Variants in PRCD observed in about 807,000 individuals in gnomAD.
PRCD encodes the protein photoreceptor disc component, also known as photoreceptor disk component PRCD.
Under a neutral mutation model 10.1 loss-of-function variants are expected in PRCD, and 12 were observed. That is an observed-to-expected ratio of 1.18 (90% CI 0.76 to 1.92). PRCD has a LOEUF of 1.92. Ranked by LOEUF, PRCD falls within the 40% of genes most tolerant of loss-of-function variation. The pLI is 0.00. For missense variants in PRCD, 61 were observed against 72.2 expected (o/e 0.84, Z 0.56); for synonymous variants, 31 against 26.2 (o/e 1.18, Z -0.56).
chr17:76,528,250 G>A lies in PRCD; in HGVS notation n.45+417G>A, dbSNP rs894948635. On this transcript the variant is annotated intron_variant and non_coding_transcript_variant, in intron 1 of 4. Coordinates refer to the PRCD transcript ENST00000397633. The surrounding 1 kb of genome is among the most constrained non-coding windows in gnomAD (Gnocchi z 5.8). The stretch of plus-strand genomic sequence containing the variant: ...GCATGCTGGCCGGGCTGATAGAAAC[G>A]GGGCTGGTTTATTCCCTAAGGGACT... 9.3e-5 allele frequency: 37 copies of A among 398,868 alleles called. 1 individual carries two copies. The highest frequency in any genetic ancestry group is 4.9e-4 in the African/African-American group (24 of 48,590). The allele number at this position is 398,868 out of a possible 1,614,324, so 24.7% of individuals were successfully genotyped here.
In PRCD at chr17:76,540,147, C is replaced by T; in HGVS notation, c.6C>T (p.Cys2=). 1 of 1,603,858 alleles carries T rather than the reference C, an allele frequency of 6.2e-7. No homozygotes were observed. The highest frequency in any genetic ancestry group is 8.5e-7 in the Non-Finnish European group (1 of 1,175,980). ...GGGGATGGGGCAGCTGCGCCATGTG[C>T]ACCACCCTTTTCCTGCTCAGCACCC... M[C]TTLFLLSTLA... Residue 2 remains cysteine, a synonymous_variant, in exon 1 of 5, where the codon TGC becomes TGT. Coordinates refer to ENST00000592014, the MANE Select transcript of PRCD (RefSeq NM_001077620.3). The surrounding 1 kb of genome is among the most constrained non-coding windows in gnomAD (Gnocchi z 5.0).
exon 2 of PRCD, chr17:76,553,116 G>C (rs941376949): frequency 2.0e-5 from 3 of 151,962 alleles, no homozygotes; most frequent in Non-Finnish European, 2.9e-5. Flanking sequence ...CAGTCCTTCA[G>C]CTCCTACTTA....
At chr17:76,548,019 C>T (rs183081850), downstream of PRCD, among the ~76,000 whole-genome samples, 131 of 152,058 alleles carry the variant, frequency 8.6e-4, no homozygotes, top group African/African-American at 2.9e-3. Context: ...CATACACATG[C>T]ATACACAGAC....
Position 76,540,673 on chromosome 17 carries a change from G to A in PRCD, c.143+100G>A, listed in dbSNP as rs1483462577. ...CGTGTGTGCCTGTGCGCGCCTGTGC[G>A]TGCACCGTATCCTGGCCCTTGCCCT... On this transcript the variant is annotated intron_variant, in intron 2 of 4. Coordinates refer to ENST00000592014, the MANE Select transcript of PRCD (RefSeq NM_001077620.3). This position sits in a 1 kb window ranked among gnomAD's most constrained non-coding sequence, Gnocchi z 5.0. The A allele has an allele frequency of 1.6e-5, 20 of 1,219,848 alleles. No homozygotes were observed. The highest frequency in any genetic ancestry group is 3.0e-5 in the African/African-American group (2 of 66,956). 75.6% of individuals were successfully genotyped at this position (1,219,848 alleles called of 1,614,324 possible).
chr17:76,547,589 C>T (rs1459204318), downstream of PRCD, among the ~76,000 whole-genome samples: 1 of 152,040 alleles, frequency 6.6e-6, no homozygotes, highest in Non-Finnish European at 1.5e-5. Flanking sequence ...CAGACTCAGC[C>T]TGTGCACCTG....
Position 76,530,134 on chromosome 17 carries a change from T to G in PRCD, n.45+2301T>G. On this transcript the variant is annotated intron_variant and non_coding_transcript_variant, in intron 1 of 4. Coordinates refer to the PRCD transcript ENST00000397633. The surrounding 1 kb of genome is among the most constrained non-coding windows in gnomAD (Gnocchi z 6.1). Reference sequence around the variant, plus strand: ...TTTCTCTACCACGGGAATGTTTCTCTACCACGCGTGTCCCGGGCTGCTGGC... The same window carrying G: ...TTTCTCTACCACGGGAATGTTTCTCGACCACGCGTGTCCCGGGCTGCTGGC... 39 of 971,042 alleles carry G rather than the reference T, an allele frequency of 4.0e-5. No individual in the cohort carries two copies. Among genetic ancestry groups the G allele is most frequent in the South Asian group, 4.8e-5 (1 of 20,966 alleles). 60.2% of individuals were successfully genotyped at this position (971,042 alleles called of 1,614,324 possible).
rs984704162 is a variant in PRCD at position 76,531,710 on chromosome 17, G to A, written n.45+3877G>A. 1.3e-6 allele frequency: 2 copies of A among 1,570,638 alleles called. No homozygotes were observed. The highest frequency in any genetic ancestry group is 2.7e-5 in the African/African-American group (2 of 74,132). ...AAAGAACCTGGCAAGAGGAACAGGG[G>A]TGGTCGCTGAAGCTGGAGGCTGCCT... On this transcript the variant is annotated intron_variant and non_coding_transcript_variant, in intron 1 of 4. Transcript: ENST00000397633. The surrounding 1 kb of genome is among the most constrained non-coding windows in gnomAD (Gnocchi z 7.4).
chr17:76,537,583 G>C, upstream of PRCD: 3 of 1,241,620 alleles, frequency 2.4e-6, no homozygotes, highest in Non-Finnish European at 3.1e-6. Flanking sequence ...CGGCGGCGGC[G>C]GTGGCGGGGC....
chr17:76,537,685 G>C (rs2074935922), upstream of PRCD: 1 of 732,840 alleles, frequency 1.4e-6, no homozygotes, highest in Non-Finnish European at 1.7e-6. Flanking sequence ...GGGAGCGTGT[G>C]TCTGTGCGCG....
chr17:76,551,267 A>G (rs781155254), intron 1 of PRCD: 1 of 152,260 alleles, frequency 6.6e-6, no homozygotes, highest in Non-Finnish European at 1.5e-5. Context: ...GTGAGAAGGC[A>G]AGGGTTTCTG....
Position 76,528,866 on chromosome 17 carries a change from G to A in PRCD, n.45+1033G>A. ...CTAAAATGTGAATAATGTCTGTCTT[G>A]TGACATAAACTGGGTAAAAAAGTGT... On this transcript the variant is annotated intron_variant and non_coding_transcript_variant, in intron 1 of 4. Coordinates refer to the PRCD transcript ENST00000397633. The surrounding 1 kb of genome is among the most constrained non-coding windows in gnomAD (Gnocchi z 5.8). 8.2e-7 allele frequency: 1 copy of A among 1,217,894 alleles called. No individual in the cohort carries two copies. The highest frequency in any genetic ancestry group is 1.0e-6 in the Non-Finnish European group (1 of 977,588). The allele number at this position is 1,217,894 out of a possible 1,614,324, so 75.4% of individuals were successfully genotyped here. A position where few individuals can be genotyped will look rare whatever the true frequency, so the allele number is the denominator to read the frequency against.
In PRCD at chr17:76,543,130, C is replaced by G. The variant is rs977849747; in HGVS notation, c.*152+9C>G. 4.0e-5 allele frequency: 19 copies of G among 470,468 alleles called. No individual in the cohort carries two copies. The highest frequency in any genetic ancestry group is 7.1e-5 in the Admixed American group (3 of 42,536). 29.1% of individuals were successfully genotyped at this position (470,468 alleles called of 1,614,324 possible). On this transcript the variant is annotated intron_variant, in intron 4 of 4. Transcript: ENST00000592014. The stretch of plus-strand genomic sequence containing the variant: ...AAGCAGCACTAGAGAAGGTAGACGC[C>G]TCCCTCTCAGCCCGGGACCTGCCAG...
rs112871100 is a variant in PRCD at position 76,531,694 on chromosome 17, G to A, written n.45+3861G>A. On this transcript the variant is annotated intron_variant and non_coding_transcript_variant, in intron 1 of 4. Coordinates refer to the PRCD transcript ENST00000397633. This position sits in a 1 kb window ranked among gnomAD's most constrained non-coding sequence, Gnocchi z 7.4. Reference sequence around the variant, plus strand: ...CCGAGGGGAAGTTCACAAAGAACCTGGCAAGAGGAACAGGGGTGGTCGCTG... The same window carrying A: ...CCGAGGGGAAGTTCACAAAGAACCTAGCAAGAGGAACAGGGGTGGTCGCTG... 6.3e-7 allele frequency: 1 copy of A among 1,590,266 alleles called. No individual in the cohort carries two copies. The highest frequency in any genetic ancestry group is 8.6e-7 in the Non-Finnish European group (1 of 1,161,872).
In PRCD at chr17:76,544,424, G is replaced by A. The variant is rs991250391; in HGVS notation, c.*774G>A. ...CGCTGGGGAGGCGCTCAGGGTGGGG[G>A]AGGAGGTGCACCCCGCTGGGGAGGG... On this transcript the variant is annotated 3_prime_UTR_variant, in exon 5 of 5. Transcript: ENST00000592014. 1.3e-5 allele frequency: 6 copies of A among 454,790 alleles called. No homozygotes were observed. Among genetic ancestry groups the A allele is most frequent in the African/African-American group, 1.0e-4 (5 of 50,016 alleles). 28.2% of individuals were successfully genotyped at this position (454,790 alleles called of 1,614,324 possible).
Position 76,531,914 on chromosome 17 carries a change from T to C in PRCD, n.45+4081T>C. On this transcript the variant is annotated intron_variant and non_coding_transcript_variant, in intron 1 of 4. Transcript: ENST00000397633. This position sits in a 1 kb window ranked among gnomAD's most constrained non-coding sequence, Gnocchi z 7.4. ...GGCCATGTCTATCTGCCAGGCTTGC[T>C]CAGGCTGGCGGCTTCATCTCCTAGG... The C allele has an allele frequency of 2.0e-6, 1 of 488,560 alleles. No individual in the cohort carries two copies. The allele number at this position is 488,560 out of a possible 1,614,324, so 30.3% of individuals were successfully genotyped here. A position where few individuals can be genotyped will look rare whatever the true frequency, so the allele number is the denominator to read the frequency against.
chr17:76,546,153 C>G (rs1219506531), downstream of PRCD: 1 of 152,350 alleles, frequency 6.6e-6, no homozygotes, highest in Non-Finnish European at 1.5e-5. The surrounding 1 kb of genome is among the most constrained non-coding windows in gnomAD (Gnocchi z 4.5). Flanking sequence ...CGTGTGAATG[C>G]TAATATCTCT....
rs762326252 is a variant in PRCD, at chr17:76,531,173, C to T, written n.45+3340C>T. 40 of 1,597,710 alleles carry T rather than the reference C, an allele frequency of 2.5e-5. No individual in the cohort carries two copies. Among genetic ancestry groups the T allele is most frequent in the East Asian group, 6.7e-5 (3 of 44,588 alleles). On this transcript the variant is annotated intron_variant and non_coding_transcript_variant, in intron 1 of 4. Transcript: ENST00000397633. The surrounding 1 kb of genome is among the most constrained non-coding windows in gnomAD (Gnocchi z 7.4). ...GGCAAAGGGAGGAAGGGGGAGTGAA[C>T]GCCCGGGCGCCCTGCGTCCTGCAAC...
At position 76,528,474 on chromosome 17, in the gene PRCD, T is replaced by C; in HGVS notation, n.45+641T>C. ...CCTTCGGGGAAGTTGAGTCAGGGAT[T>C]CCTCCAGCTTCCTTGGCACCCAGAA... On this transcript the variant is annotated intron_variant and non_coding_transcript_variant, in intron 1 of 4. Transcript: ENST00000397633. The surrounding 1 kb of genome is among the most constrained non-coding windows in gnomAD (Gnocchi z 5.8). 9.4e-7 allele frequency: 1 copy of C among 1,065,050 alleles called. No individual in the cohort carries two copies. Among genetic ancestry groups the C allele is most frequent in the Non-Finnish European group, 1.2e-6 (1 of 814,160 alleles). 66.0% of individuals were successfully genotyped at this position (1,065,050 alleles called of 1,614,324 possible). A position where few individuals can be genotyped will look rare whatever the true frequency, so the allele number is the denominator to read the frequency against.
At chr17:76,552,423 T>G (rs1323137422) in intron 1 of PRCD, among the ~76,000 whole-genome samples, 1 of 151,726 alleles carries the variant, frequency 6.6e-6, no homozygotes, top group East Asian at 2.0e-4. Flanking sequence ...ATGGTCTCAA[T>G]CTCCTGACCT....
Sources: allele counts gnomAD v4.1 joint callset (sites outside exome capture counted in the v4.1 genomes callset), GRCh38; gene constraint gnomAD v4.1.1; non-coding constraint Gnocchi (gnomAD v3.1); transcripts MANE v1.5; gene names NCBI Gene and HGNC (gene_info 2026-07-23, HGNC 2026-07-21).